The following HCN4 variants were observed in gnomAD, a reference collection of about 807,000 sequenced individuals.
HCN4 encodes the protein hyperpolarization activated cyclic nucleotide gated potassium channel 4.
In HCN4, 29 loss-of-function variants were observed where a neutral mutation model predicts 76.9. The ratio of observed to expected loss-of-function variants is 0.38; its 90% CI spans 0.28 to 0.51. The LOEUF is 0.51. HCN4 is among the 20% of genes least tolerant of loss of function. The pLI, the probability that HCN4 is intolerant of heterozygous loss-of-function variation, is 0.90. For synonymous variants in HCN4, 772 were observed against 762.5 expected (o/e 1.01, Z -0.21); for missense variants, 1,416 against 1,715.2 (o/e 0.83, Z 3.08).
Position 73,367,982 on chromosome 15 carries a change from G to A in HCN4, c.289C>T (p.Arg97Cys), listed in dbSNP as rs1230290081. 3.7e-6 allele frequency: 5 copies of A among 1,346,372 alleles called. No homozygotes were observed. Among genetic ancestry groups the A allele is most frequent in the African/African-American group, 1.5e-5 (1 of 65,824 alleles). The allele number at this position is 1,346,372 out of a possible 1,614,324, so 83.4% of individuals were successfully genotyped here. Reference sequence around the variant, plus strand: ...CTGCCCAGCGAGGCCAGGCTCCCGCGGAAGCGCCTGCAGTCGCCGTTCGTG... The same window carrying A: ...CTGCCCAGCGAGGCCAGGCTCCCGCAGAAGCGCCTGCAGTCGCCGTTCGTG... ...SSTNGDCRRF[R>C]GSLASLGSRG... Residue 97 changes from arginine (R) to cysteine (C), a missense_variant, in exon 1 of 8, where the codon CGC (arginine) becomes TGC (cysteine). Physicochemically the swap from Arg to Cys is radical, Grantham distance 180. Around this residue, in one of 6 missense-constraint regions of HCN4, gnomAD observed 355 missense variants for 347.8 expected, o/e 1.02. Transcript: ENST00000261917. The surrounding 1 kb of genome is among the most constrained non-coding windows in gnomAD (Gnocchi z 7.5).
At position 73,322,394 on chromosome 15, in the gene HCN4, TA is replaced by T. The variant is rs2042864651; in HGVS notation, c.*86del. The T allele has an allele frequency of 9.6e-7, 1 of 1,042,816 alleles. No individual in the cohort carries two copies. The highest frequency in any genetic ancestry group is 2.0e-5 in the Admixed American group (1 of 50,314). The allele number at this position is 1,042,816 out of a possible 1,614,324, so 64.6% of individuals were successfully genotyped here. A position where few individuals can be genotyped will look rare whatever the true frequency, so the allele number is the denominator to read the frequency against. ...TGGTTTTTTAAATAATTATTACTGT[TA>T]TTGGTATATCTCCTAATCACAGTTA... On this transcript the variant is annotated 3_prime_UTR_variant, in exon 8 of 8. Transcript: ENST00000261917.
chr15:73,329,013 C>T (rs2042916161), intron 4 of HCN4, among the ~76,000 whole-genome samples: 1 of 152,130 alleles, frequency 6.6e-6, no homozygotes, highest in Admixed American at 6.5e-5. Flanking sequence ...TGAGGTGGGG[C>T]TGCTGATGCT....
At chr15:73,326,468 A>G (rs2680336) in intron 4 of HCN4, among the ~76,000 whole-genome samples, 134,561 of 152,220 alleles carry the variant, frequency 0.88, 59,897 homozygotes, top group Admixed American at 0.94. Context: ...CTGGTTACAG[A>G]GATGGAGGCA....
At chr15:73,324,577 G>C (rs985596958) in intron 6 of HCN4, among the ~76,000 whole-genome samples, 2 of 152,214 alleles carry the variant, frequency 1.3e-5, no homozygotes, top group African/African-American at 4.8e-5. Context: ...AGCCCTCGTG[G>C]ATGGAATTAG....
At chr15:73,349,489 G>C (rs1330618498) in intron 1 of HCN4, among the ~76,000 whole-genome samples, 1 of 152,106 alleles carries the variant, frequency 6.6e-6, no homozygotes, top group Non-Finnish European at 1.5e-5. Context: ...CCAGAGGCCT[G>C]CTTTCTAACC....
At chr15:73,359,257 C>G (rs537961176) in intron 1 of HCN4, among the ~76,000 whole-genome samples, 2 of 152,176 alleles carry the variant, frequency 1.3e-5, no homozygotes, top group African/African-American at 2.4e-5. Context: ...CGGCACGGCT[C>G]GAGGTCCAGC....
At chr15:73,341,839 G>A (rs2043005783) in intron 2 of HCN4, among the ~76,000 whole-genome samples, 1 of 152,198 alleles carries the variant, frequency 6.6e-6, no homozygotes, top group African/African-American at 2.4e-5. Flanking sequence ...TTCTCCTATG[G>A]CACATGCGTT....
rs2043137058 is a variant in HCN4, at chr15:73,367,952, C to T, written c.319G>A (p.Gly107Ser). The part of the protein sequence containing the change: ...RGSLASLGSR[G>S]GGSGGTGSGS... ...CTCCCCGTGCCGCCGCTGCCGCCGC[C>T]CCGGCTGCCCAGCGAGGCCAGGCTC... The change falls in exon 1 of 8, where the codon GGC becomes AGC. Residue 107 changes from glycine to serine, a missense_variant. Gly to Ser is a moderately conservative substitution (Grantham distance 56). Coordinates refer to ENST00000261917, the MANE Select transcript of HCN4 (RefSeq NM_005477.3). This position sits in a 1 kb window ranked among gnomAD's most constrained non-coding sequence, Gnocchi z 7.5. The T allele has an allele frequency of 2.2e-6, 3 of 1,352,060 alleles. No individual in the cohort carries two copies. The highest frequency in any genetic ancestry group is 3.0e-5 in the East Asian group (1 of 33,586). The allele number at this position is 1,352,060 out of a possible 1,614,324, so 83.8% of individuals were successfully genotyped here. A position where few individuals can be genotyped will look rare whatever the true frequency, so the allele number is the denominator to read the frequency against.
At chr15:73,344,278 G>C (rs2043020623) in intron 1 of HCN4, among the ~76,000 whole-genome samples, 1 of 152,190 alleles carries the variant, frequency 6.6e-6, no homozygotes, top group Non-Finnish European at 1.5e-5. Context: ...GAGCAGGGGA[G>C]GTACAGACAT....
intron 3 of HCN4, among the ~76,000 whole-genome samples, chr15:73,331,921 C>G (rs1290409051): frequency 1.3e-5 from 2 of 152,174 alleles, no homozygotes; most frequent in African/African-American, 4.8e-5. Context: ...GATGGAGGTA[C>G]CAGCTCCCAA....
chr15:73,341,432 G>A (rs1216855135), intron 2 of HCN4, among the ~76,000 whole-genome samples: 5 of 152,178 alleles, frequency 3.3e-5, no homozygotes, highest in East Asian at 1.9e-4. Flanking sequence ...GTGAGCCACC[G>A]CGCCCGGCCA....
intron 1 of HCN4, among the ~76,000 whole-genome samples, chr15:73,364,164 G>C (rs2043118473): frequency 6.6e-6 from 1 of 152,098 alleles, no homozygotes; most frequent in Admixed American, 6.5e-5. Flanking sequence ...GATGAGAAAG[G>C]CCAAGCTTCT....
chr15:73,323,156 G>A lies in HCN4; in HGVS notation c.2937C>T (p.Pro979=), dbSNP rs371549467. ...SSSPGQLGQP[P]GELSLGLATG... is the part of the protein sequence containing the mutation. ...TGGCCAGACCTAGGGACAACTCCCC[G>A]GGAGGCTGGCCCAGCTGCCCGGGGC... The change falls in exon 8 of 8, where the codon CCC becomes CCT. Residue 979 remains proline (P), a synonymous_variant. Coordinates refer to ENST00000261917, the MANE Select transcript of HCN4 (RefSeq NM_005477.3). 2.8e-5 allele frequency: 44 copies of A among 1,574,824 alleles called. No individual in the cohort carries two copies. Among genetic ancestry groups the A allele is most frequent in the Non-Finnish European group, 3.3e-5 (38 of 1,161,666 alleles).
At chr15:73,352,371 G>A (rs1050080568) in intron 1 of HCN4, among the ~76,000 whole-genome samples, 2 of 152,200 alleles carry the variant, frequency 1.3e-5, no homozygotes, top group African/African-American at 4.8e-5. Flanking sequence ...AATCAGGGAA[G>A]AACTTAGCAC....
chr15:73,336,644 C>T (rs1318474105), intron 2 of HCN4, among the ~76,000 whole-genome samples: 1 of 152,168 alleles, frequency 6.6e-6, no homozygotes, highest in Non-Finnish European at 1.5e-5. Context: ...TCTCTCATCC[C>T]TCCCCACATC....
At chr15:73,342,814 A>T (rs2151220973) in intron 2 of HCN4, among the ~76,000 whole-genome samples, 1 of 152,342 alleles carries the variant, frequency 6.6e-6, no homozygotes, top group East Asian at 1.9e-4. Context: ...TCATAATGCT[A>T]TAGATCTAGC....
In HCN4 at chr15:73,323,355, G is replaced by A. The variant is rs777560053; in HGVS notation, c.2738C>T (p.Ala913Val). Residue 913 changes from alanine to valine, a missense_variant, in exon 8 of 8, where the codon GCG becomes GTG. By Grantham distance (64) the Ala-to-Val change is moderately conservative (BLOSUM62 0). Around this residue, in one of 6 missense-constraint regions of HCN4, gnomAD observed 633 missense variants for 579.8 expected, o/e 1.09. Coordinates refer to ENST00000261917, the MANE Select transcript of HCN4 (RefSeq NM_005477.3). Reference sequence around the variant, plus strand: ...GGAGGAGGACAGGGAGCCACCCAGCGCCTTGTGGAAGTGGCCAAACCCGGC... The same window carrying A: ...GGAGGAGGACAGGGAGCCACCCAGCACCTTGTGGAAGTGGCCAAACCCGGC... ...TIAGFGHFHK[A>V]LGGSLSSSDS... 12 of 1,574,496 alleles carry A rather than the reference G, an allele frequency of 7.6e-6. No homozygotes were observed. The highest frequency in any genetic ancestry group is 2.7e-5 in the African/African-American group (2 of 74,124).
intron 3 of HCN4, among the ~76,000 whole-genome samples, chr15:73,330,077 C>A (rs2042924002): frequency 6.6e-6 from 1 of 152,024 alleles, no homozygotes; most frequent in Admixed American, 6.5e-5. Context: ...CAGCTTGGAG[C>A]CTCCTGGCTG....
rs766148703 is a variant in HCN4 at position 73,368,098 on chromosome 15, G to A, written c.173C>T (p.Pro58Leu). ...CTCCGTGCCACCCGCGGCCGCCGAG[G>A]GGGAGGGCGAGGGCAGTGGCCGCAG... is the stretch of plus-strand genomic sequence containing the variant. ...IRLRPLPSPS[P>L]SAAAGGTESR... The change falls in exon 1 of 8, where the codon CCC (proline) becomes CTC (leucine). Residue 58 changes from proline to leucine, a missense_variant. Physicochemically the swap from Pro to Leu is moderately conservative, Grantham distance 98. This residue lies in a region of HCN4 where 355 missense variants were observed against 347.8 expected (regional missense o/e 1.02). Coordinates refer to ENST00000261917, the MANE Select transcript of HCN4 (RefSeq NM_005477.3). This position sits in a 1 kb window ranked among gnomAD's most constrained non-coding sequence, Gnocchi z 6.9. The A allele has an allele frequency of 6.7e-7, 1 of 1,497,946 alleles. No individual in the cohort carries two copies. Among genetic ancestry groups the A allele is most frequent in the Non-Finnish European group, 8.9e-7 (1 of 1,128,108 alleles). The allele number at this position is 1,497,946 out of a possible 1,614,324, so 92.8% of individuals were successfully genotyped here. A position where few individuals can be genotyped will look rare whatever the true frequency, so the allele number is the denominator to read the frequency against.
Sources: gnomAD v4.1 joint callset for allele counts (sites outside exome capture counted in the v4.1 genomes callset) on GRCh38, gnomAD v4.1.1 for gene constraint, gnomAD v4.1.1 regional missense constraint, Gnocchi (gnomAD v3.1) non-coding constraint, MANE v1.5 for transcripts, NCBI Gene and HGNC (gene_info 2026-07-23, HGNC 2026-07-21) for gene names.